Variants in GCNA observed in about 807,000 individuals in gnomAD.
The protein encoded by GCNA is germ cell nuclear acidic peptidase, also known as germ cell nuclear acidic protein.
GCNA carries 3 observed loss-of-function variants against 38.8 expected under a neutral mutation model. The ratio of observed to expected loss-of-function variants is 0.08; its 90% CI spans 0.04 to 0.20. The LOEUF (loss-of-function observed/expected upper bound fraction) is 0.20. GCNA is among the 10% of genes least tolerant of loss of function. GCNA has a pLI of 1.00. For synonymous variants in GCNA, 195 were observed against 240.2 expected (o/e 0.81, Z 1.74); for missense variants, 446 against 578.6 (o/e 0.77, Z 2.35).
intron 8 of GCNA, 32 bp downstream of exon 8, chrX:71,604,708 A>G: frequency 1.7e-6 from 2 of 1,201,922 alleles, no homozygotes; most frequent in Non-Finnish European, 2.2e-6. Flanking sequence ...TGCCTGTCCC[A>G]CTGAATGTGC....
intron 2 of GCNA, among the ~76,000 whole-genome samples, chrX:71,589,348 T>C (rs1185919748): frequency 9.4e-6 from 1 of 106,699 alleles, no homozygotes; most frequent in Non-Finnish European, 1.9e-5. Flanking sequence ...TATTCACAGG[T>C]GTGATCATGG....
At position 71,612,875 on chromosome X, in the gene GCNA, A is replaced by C; in HGVS notation, c.1969A>C (p.Thr657Pro). 1 of 1,210,982 alleles carries C rather than the reference A, an allele frequency of 8.3e-7. No individual in the cohort carries two copies. The highest frequency in any genetic ancestry group is 1.1e-6 in the Non-Finnish European group (1 of 895,226). ...ATTCCTTCCCAGGATTGGCTGCTAC[A>C]CCAAATCGTTGGACACCAGCCGCTT... ...TGCKTRIGCY[T>P]KSLDTSRFIC... Residue 657 changes from threonine to proline, a missense_variant, in exon 13 of 13, where the codon ACC becomes CCC. Transcript: ENST00000373696.
intron 2 of GCNA, among the ~76,000 whole-genome samples, chrX:71,582,880 T>C (rs1602166376): frequency 1.8e-5 from 2 of 112,168 alleles, no homozygotes; most frequent in Admixed American, 1.9e-4. Context: ...TTCACTTTTG[T>C]GGAAGAAGGA....
chrX:71,585,322 GA>G (rs61113189), intron 2 of GCNA, among the ~76,000 whole-genome samples: 25,560 of 100,581 alleles, frequency 0.25, 3,470 homozygotes, highest in East Asian at 0.47. Context: ...CTCAAAAAAA[GA>G]AAAAAAAAAA....
chrX:71,583,908 A>T (rs1193985165), intron 2 of GCNA, among the ~76,000 whole-genome samples: 1 of 107,357 alleles, frequency 9.3e-6, no homozygotes, highest in Non-Finnish European at 1.9e-5. Context: ...GGATTTCACC[A>T]TGTTGGCCAG....
At chrX:71,600,667 TC>T (rs1047935073) in intron 7 of GCNA, among the ~76,000 whole-genome samples, 3 of 111,882 alleles carry the variant, frequency 2.7e-5, no homozygotes, top group African/African-American at 9.8e-5. Context: ...AAAGTAACTT[TC>T]TTTTTTAAAA....
intron 4 of GCNA, among the ~76,000 whole-genome samples, chrX:71,593,352 C>T (rs962359904): frequency 9.9e-5 from 11 of 111,526 alleles, no homozygotes; most frequent in South Asian, 3.8e-4. Context: ...GTGGCAGTGG[C>T]GGTGAAGTGG....
intron 4 of GCNA, among the ~76,000 whole-genome samples, chrX:71,593,250 T>G (rs2040644574): frequency 8.9e-6 from 1 of 111,992 alleles, no homozygotes; most frequent in Non-Finnish European, 1.9e-5. Context: ...TATGTCCCCC[T>G]CCTTTAGCAT....
chrX:71,579,974 G>A (rs2040533554), intron 1 of GCNA, among the ~76,000 whole-genome samples: 1 of 106,993 alleles, frequency 9.3e-6, no homozygotes, highest in South Asian at 4.3e-4. Flanking sequence ...TAAGACCAGT[G>A]AGAAGCCAGA....
At chrX:71,605,193 T>G (rs2040759298) in intron 8 of GCNA, among the ~76,000 whole-genome samples, 1 of 111,003 alleles carries the variant, frequency 9.0e-6, no homozygotes, top group Non-Finnish European at 1.9e-5. Flanking sequence ...ATGATAGAGG[T>G]TCAATAAATT....
chrX:71,605,674 C>T lies in GCNA; in HGVS notation c.1411C>T (p.Arg471Cys), dbSNP rs767793682. ...NVSVTPGHKK[R>C]GPSKKKPGAA... is the part of the protein sequence containing the mutation. ...TTCATCTGGTAAAGGACATAAGAAG[C>T]GTGGGCCTTCAAAGAAGAAACCCGG... Residue 471 changes from arginine to cysteine, a missense_variant, in exon 9 of 13, where the codon CGT becomes TGT. Transcript: ENST00000373696. The T allele has an allele frequency of 2.6e-5, 31 of 1,207,139 alleles. No homozygotes were observed. Among genetic ancestry groups the T allele is most frequent in the Middle Eastern group, 4.6e-4 (2 of 4,366 alleles).
At chrX:71,597,716 C>T (rs1275067784) in intron 6 of GCNA, among the ~76,000 whole-genome samples, 4 of 111,703 alleles carry the variant, frequency 3.6e-5, no homozygotes. Flanking sequence ...ACAGACTCCT[C>T]GTTTTAGAAG....
intron 2 of GCNA, among the ~76,000 whole-genome samples, chrX:71,583,923 G>A (rs762024693): frequency 6.4e-5 from 7 of 108,910 alleles, no homozygotes; most frequent in Admixed American, 4.9e-4. Context: ...GGCCAGGCTG[G>A]TCTTGAACTC....
rs1287121293 is a variant in GCNA, at chrX:71,592,216, G to C, written c.106+48G>C. ...AGGAACATTTTGAAGTGTCTTTGTA[G>C]AGATGACTCAACTGTGATTTGGGAT... is the stretch of plus-strand genomic sequence containing the variant. On this transcript the variant is annotated intron_variant, in intron 3 of 12. Coordinates refer to ENST00000373696, the MANE Select transcript of GCNA (RefSeq NM_052957.5). 5 of 1,073,034 alleles carry C rather than the reference G, an allele frequency of 4.7e-6. No individual in the cohort carries two copies. The African/African-American group carries it at 9.5e-5, about 20-fold the overall frequency. 88.4% of individuals were successfully genotyped at this position (1,073,034 alleles called of 1,213,427 possible).
At chrX:71,607,227 T>TA (rs2040774943) in intron 9 of GCNA, among the ~76,000 whole-genome samples, 1 of 112,337 alleles carries the variant, frequency 8.9e-6, no homozygotes, top group South Asian at 3.7e-4. Flanking sequence ...AATACTGATG[T>TA]AAATTTGCTT....
intron 9 of GCNA, among the ~76,000 whole-genome samples, chrX:71,607,945 T>C (rs1354363434): frequency 8.9e-6 from 1 of 112,164 alleles, no homozygotes; most frequent in African/African-American, 3.2e-5. Context: ...TTGGCTAGAG[T>C]GTCAGTGGTA....
chrX:71,598,901 C>T (rs754892799), intron 7 of GCNA, among the ~76,000 whole-genome samples: 81 of 111,341 alleles, frequency 7.3e-4, no homozygotes, highest in Non-Finnish European at 1.4e-3. Flanking sequence ...AGTGCAGTGG[C>T]ATGATCTCAG....
chrX:71,610,851 G>A, intron 11 of GCNA, 32 bp downstream of exon 11: 1 of 1,206,544 alleles, frequency 8.3e-7, no homozygotes. Flanking sequence ...CTTCACCACT[G>A]TGCTCTTTCC....
intron 1 of GCNA, among the ~76,000 whole-genome samples, chrX:71,579,387 GT>G (rs1429938093): frequency 1.0e-5 from 1 of 98,099 alleles, no homozygotes; most frequent in Non-Finnish European, 2.1e-5. Context: ...CGCATTGAAG[GT>G]GGGGGTGCCA....
Sources: gnomAD v4.1 joint callset for allele counts (sites outside exome capture counted in the v4.1 genomes callset) on GRCh38, gnomAD v4.1.1 for gene constraint, MANE v1.5 for transcripts, NCBI Gene and HGNC (gene_info 2026-07-23, HGNC 2026-07-21) for gene names.